Variants in BLTP3B observed in about 807,000 individuals in gnomAD.
BLTP3B encodes UHRF1 (ICBP90) binding protein 1-like.
At chr12:100,050,172 TG>T in the BLTP3B span, 1 of 1,501,716 alleles carries the variant, frequency 6.7e-7, no homozygotes, top group Non-Finnish European at 8.8e-7. Context: ...ACTTACCAAC[TG>T]GACGATTACA....
the BLTP3B span, chr12:100,072,614 A>T: frequency 6.8e-5 from 92 of 1,360,324 alleles, no homozygotes; most frequent in Non-Finnish European, 8.0e-5. Flanking sequence ...CAAAAATATT[A>T]ACAAGAAAAA....
chr12:100,060,023 T>A, the BLTP3B span: 3 of 1,601,362 alleles, frequency 1.9e-6, no homozygotes, highest in Non-Finnish European at 2.6e-6. Flanking sequence ...TTCAGCTGGC[T>A]ATAGAGGTTG....
At chr12:100,047,615 T>C in the BLTP3B span, 17 of 1,612,414 alleles carry the variant, frequency 1.1e-5, no homozygotes, top group Non-Finnish European at 1.4e-5. Context: ...CAAGGGATAC[T>C]GTACTACTCC....
chr12:100,083,537 A>G, the BLTP3B span, among the ~76,000 whole-genome samples: 1 of 152,108 alleles, frequency 6.6e-6, no homozygotes, highest in Non-Finnish European at 1.5e-5. Context: ...TTAATAATTT[A>G]TTTTTTCAAA....
At chr12:100,072,015 C>T in the BLTP3B span, among the ~76,000 whole-genome samples, 4 of 152,202 alleles carry the variant, frequency 2.6e-5, no homozygotes, top group African/African-American at 9.7e-5. Flanking sequence ...AATCCCAGCA[C>T]TATGGGAGTC....
chr12:100,039,707 A>T, the BLTP3B span: 2 of 1,613,950 alleles, frequency 1.2e-6, no homozygotes, highest in African/African-American at 2.7e-5. Context: ...GTTTCTTCAG[A>T]TCATACTTTC....
chr12:100,113,894 T>C, the BLTP3B span, among the ~76,000 whole-genome samples: 2 of 152,194 alleles, frequency 1.3e-5, no homozygotes, highest in Admixed American at 1.3e-4. Flanking sequence ...TGTTAGATTG[T>C]TTAATTAATA....
At chr12:100,047,429 C>G in the BLTP3B span, 1 of 811,280 alleles carries the variant, frequency 1.2e-6, no homozygotes, top group Admixed American at 2.1e-5. Context: ...ACCAGGGAGG[C>G]AGAGGTTTGC....
At chr12:100,059,985 T>G in the BLTP3B span, 1 of 1,613,014 alleles carries the variant, frequency 6.2e-7, no homozygotes, top group East Asian at 2.2e-5. Flanking sequence ...ATAGAATGCT[T>G]CTTTCATCCA....
At chr12:100,119,245 A>G in the BLTP3B span, among the ~76,000 whole-genome samples, 1 of 152,188 alleles carries the variant, frequency 6.6e-6, no homozygotes, top group Non-Finnish European at 1.5e-5. Context: ...AAAGGTGTGC[A>G]AGACCTAGAA....
the BLTP3B span, chr12:100,050,936 T>G: frequency 2.5e-6 from 3 of 1,189,412 alleles, no homozygotes; most frequent in Admixed American, 3.2e-5. Flanking sequence ...GGGAGGCATT[T>G]TCAAGAACAA....
At chr12:100,099,197 T>C in the BLTP3B span, among the ~76,000 whole-genome samples, 2 of 151,726 alleles carry the variant, frequency 1.3e-5, no homozygotes, top group East Asian at 4.0e-4. Context: ...TTTCACCATA[T>C]TGGCCAGGCT....
At chr12:100,059,540 G>A in the BLTP3B span, 1 of 1,568,784 alleles carries the variant, frequency 6.4e-7, no homozygotes, top group Non-Finnish European at 8.6e-7. Flanking sequence ...CAAACTAGAA[G>A]AGAAGAAAAA....
At chr12:100,086,448 C>A in the BLTP3B span, 1 of 737,530 alleles carries the variant, frequency 1.4e-6, no homozygotes, top group Non-Finnish European at 2.2e-6. Context: ...TACTTGGAGT[C>A]CAAATAGTAA....
chr12:100,110,874 G>T, the BLTP3B span, among the ~76,000 whole-genome samples: 1 of 152,172 alleles, frequency 6.6e-6, no homozygotes, highest in African/African-American at 2.4e-5. Context: ...AGACTAATCT[G>T]AGTAACTCAA....
chr12:100,075,252 C>T, the BLTP3B span, among the ~76,000 whole-genome samples: 6 of 152,036 alleles, frequency 3.9e-5, no homozygotes, highest in African/African-American at 7.3e-5. Context: ...CCTCGTGATC[C>T]GCCCACCTCG....
chr12:100,093,914 T>C, the BLTP3B span, among the ~76,000 whole-genome samples: 1 of 152,222 alleles, frequency 6.6e-6, no homozygotes, highest in Non-Finnish European at 1.5e-5. Context: ...TTGTCTCTTC[T>C]GAAATGCCTT....
the BLTP3B span, among the ~76,000 whole-genome samples, chr12:100,130,951 T>TACATACATACATACATACATACATAC: frequency 5.1e-4 from 68 of 133,182 alleles, 2 homozygotes; most frequent in South Asian, 2.2e-3. Context: ...CATACATACA[T>TACATACATACATACATACATACATAC]ATATATATAT....
At chr12:100,101,887 T>C in the BLTP3B span, among the ~76,000 whole-genome samples, 1 of 152,206 alleles carries the variant, frequency 6.6e-6, no homozygotes, top group Non-Finnish European at 1.5e-5. Context: ...CACTGCAGCC[T>C]TGACCTCCCG....
Sources: gnomAD v4.1 joint callset for allele counts (sites outside exome capture counted in the v4.1 genomes callset) on GRCh38, gnomAD v4.1.1 for gene constraint, MANE v1.5 for transcripts, NCBI Gene and HGNC (gene_info 2026-07-23, HGNC 2026-07-21) for gene names.